The following CACNA1E variants were observed in gnomAD, a reference collection of about 807,000 sequenced individuals.
CACNA1E encodes calcium voltage-gated channel subunit alpha1 E, also known as voltage-dependent R-type calcium channel subunit alpha-1E.
In CACNA1E, 40 loss-of-function variants were observed where a neutral mutation model predicts 259.2. The observed-to-expected ratio is 0.15, with a 90% CI of 0.12 to 0.20. The LOEUF (loss-of-function observed/expected upper bound fraction) is 0.20, where lower values mean the gene tolerates loss of function less well. Among genes scored for constraint, CACNA1E ranks in the 10% least tolerant of loss-of-function variants. The pLI is 1.00. For missense variants in CACNA1E, 1,874 were observed against 3,040.1 expected (o/e 0.62, Z 9.02); for synonymous variants, 1,104 against 1,138.5 (o/e 0.97, Z 0.61).
chr1:181,338,716 T>C (rs1399129510), intron 1 of CACNA1E, among the ~76,000 whole-genome samples: 2 of 152,144 alleles, frequency 1.3e-5, no homozygotes, highest in African/African-American at 4.8e-5. Flanking sequence ...TGGTGTGATA[T>C]TCAAAAAATT....
At chr1:181,702,346 T>C (rs142744464) in intron 7 of CACNA1E, among the ~76,000 whole-genome samples, 1 of 152,224 alleles carries the variant, frequency 6.6e-6, no homozygotes, top group Non-Finnish European at 1.5e-5. Context: ...AGCTATACTT[T>C]ACCACTCTCG....
At chr1:181,585,667 A>G (rs144822516) in intron 6 of CACNA1E, among the ~76,000 whole-genome samples, 4 of 152,306 alleles carry the variant, frequency 2.6e-5, no homozygotes, top group Non-Finnish European at 4.4e-5. Context: ...AAAGACTTGA[A>G]GTGGGTGGGT....
At chr1:181,422,651 G>A (rs1658839170) in intron 2 of CACNA1E, among the ~76,000 whole-genome samples, 2 of 152,208 alleles carry the variant, frequency 1.3e-5, no homozygotes, top group Non-Finnish European at 2.9e-5. Context: ...TTGCTAGATT[G>A]TGGATGAGTA....
intron 7 of CACNA1E, among the ~76,000 whole-genome samples, chr1:181,666,456 GA>G (rs1648235543): frequency 6.6e-6 from 1 of 152,044 alleles, no homozygotes; most frequent in Admixed American, 6.5e-5. Flanking sequence ...CCCTGCTCTT[GA>G]AAAGGAATAC....
chr1:181,766,476 G>A (rs149803681), intron 34 of CACNA1E, 70 bp from the exon 35 acceptor site: 1 of 1,067,858 alleles, frequency 9.4e-7, no homozygotes, highest in African/African-American at 1.6e-5. Context: ...TGTACTGCCG[G>A]TGACTGCAGG....
intron 7 of CACNA1E, among the ~76,000 whole-genome samples, chr1:181,709,098 A>G (rs943350413): frequency 1.3e-5 from 2 of 152,342 alleles, no homozygotes; most frequent in Non-Finnish European, 1.5e-5. Context: ...CCAACAGGAC[A>G]ATGGTACTAA....
In CACNA1E at chr1:181,355,439, A is replaced by G. The variant is rs114615960; in HGVS notation, c.-15+37316A>G. Among the ~76,000 whole-genome samples the G allele has an allele frequency of 7.8e-3, 1,191 of 152,166 alleles. 18 individuals are homozygous for G. Among genetic ancestry groups the G allele is most frequent in the African/African-American group, 0.028 (1,148 of 41,516 alleles). ...CCTGTCTCTACTAAAAATACAAAAAATAGCAGTGCATGATGGCACGTGCCT... is the reference window on the plus strand; with the variant it reads ...CCTGTCTCTACTAAAAATACAAAAAGTAGCAGTGCATGATGGCACGTGCCT... On this transcript the variant is annotated intron_variant, in intron 1 of 11. Coordinates refer to the CACNA1E transcript ENST00000524607.
At chr1:181,472,852 C>A (rs1327292837) in intron 2 of CACNA1E, among the ~76,000 whole-genome samples, 1 of 152,078 alleles carries the variant, frequency 6.6e-6, no homozygotes, top group Non-Finnish European at 1.5e-5. Flanking sequence ...GGAGAGTGGC[C>A]TGAAAGTTTA....
intron 6 of CACNA1E, among the ~76,000 whole-genome samples, chr1:181,591,029 A>C (rs1338950065): frequency 6.6e-6 from 1 of 152,230 alleles, no homozygotes; most frequent in East Asian, 1.9e-4. Flanking sequence ...CTTTCTATGC[A>C]TTATGTATTC....
At chr1:181,685,440 A>T (rs930004359) in intron 7 of CACNA1E, among the ~76,000 whole-genome samples, 1 of 152,144 alleles carries the variant, frequency 6.6e-6, no homozygotes, top group African/African-American at 2.4e-5. Context: ...TGCCAGTAAC[A>T]GTTTCATTGC....
chr1:181,409,870 T>C (rs1264299542), intron 1 of CACNA1E, among the ~76,000 whole-genome samples: 2 of 152,198 alleles, frequency 1.3e-5, no homozygotes, highest in Admixed American at 6.5e-5. Flanking sequence ...TTATTGCTGT[T>C]GTAATTTTGG....
upstream of CACNA1E, among the ~76,000 whole-genome samples, chr1:181,480,752 A>C: frequency 6.6e-6 from 1 of 152,030 alleles, no homozygotes; most frequent in East Asian, 1.9e-4. Flanking sequence ...ACAGCATGAG[A>C]GTGAAGTTCA....
At chr1:181,382,153 C>A (rs1655500704) in intron 1 of CACNA1E, among the ~76,000 whole-genome samples, 1 of 152,060 alleles carries the variant, frequency 6.6e-6, no homozygotes, top group Non-Finnish European at 1.5e-5. Flanking sequence ...GCTGAGCCAG[C>A]CATATGAAGA....
At chr1:181,408,037 C>T (rs1657589641) in intron 1 of CACNA1E, among the ~76,000 whole-genome samples, 1 of 152,188 alleles carries the variant, frequency 6.6e-6, no homozygotes, top group East Asian at 1.9e-4. Context: ...GCCTACCACT[C>T]ACCTCGTAGT....
intron 1 of CACNA1E, among the ~76,000 whole-genome samples, chr1:181,347,322 G>T (rs1158368825): frequency 6.6e-6 from 1 of 152,188 alleles, no homozygotes; most frequent in Non-Finnish European, 1.5e-5. Context: ...ACCTTCCCAA[G>T]CTGAAGAGAT....
At chr1:181,618,500 G>A (rs1025916772) in intron 6 of CACNA1E, among the ~76,000 whole-genome samples, 4 of 152,204 alleles carry the variant, frequency 2.6e-5, no homozygotes, top group Non-Finnish European at 5.9e-5. Context: ...GGGAGGTGGA[G>A]GTTTCAGTGA....
At chr1:181,765,214 C>G (rs1427116099) in intron 34 of CACNA1E, among the ~76,000 whole-genome samples, 1 of 152,148 alleles carries the variant, frequency 6.6e-6, no homozygotes, top group Non-Finnish European at 1.5e-5. Context: ...GAGTTCTTCC[C>G]TCTTTTCCCT....
chr1:181,470,060 A>AGAGAGAGT (rs914846751), intron 2 of CACNA1E, among the ~76,000 whole-genome samples: 2 of 151,792 alleles, frequency 1.3e-5, no homozygotes, highest in Admixed American at 6.6e-5. Flanking sequence ...AGAGTGAGAG[A>AGAGAGAGT]GAGAGAGTGA....
At chr1:181,586,747 T>C (rs1443156600) in intron 6 of CACNA1E, among the ~76,000 whole-genome samples, 1 of 152,246 alleles carries the variant, frequency 6.6e-6, no homozygotes, top group Non-Finnish European at 1.5e-5. Context: ...ATTTACTCTT[T>C]CAAAAACTCT....
Sources: allele counts gnomAD v4.1 joint callset (sites outside exome capture counted in the v4.1 genomes callset), GRCh38; gene constraint gnomAD v4.1.1; transcripts MANE v1.5; gene names NCBI Gene and HGNC (gene_info 2026-07-23, HGNC 2026-07-21).